The following SGMS2 variants were observed in gnomAD, a reference collection of about 807,000 sequenced individuals.
The protein encoded by SGMS2 is phosphatidylcholine:ceramide cholinephosphotransferase 2.
In SGMS2, 21 loss-of-function variants were observed where a neutral mutation model predicts 43.8. That is an observed-to-expected ratio of 0.48 (90% CI 0.34 to 0.69). The LOEUF is 0.69. Among genes scored for constraint, SGMS2 ranks in the 30% least tolerant of loss-of-function variants. The probability of loss-of-function intolerance (pLI) is 0.01; values close to 1 mark genes in which losing one functional copy is unlikely to be tolerated. For missense variants in SGMS2, 384 were observed against 443.2 expected (o/e 0.87, Z 1.20); for synonymous variants, 167 against 160.6 (o/e 1.04, Z -0.30).
intron 1 of SGMS2, among the ~76,000 whole-genome samples, chr4:107,851,625 G>A (rs1214039280): frequency 6.6e-6 from 1 of 152,150 alleles, no homozygotes; most frequent in Non-Finnish European, 1.5e-5. Context: ...TGTATATCCT[G>A]ATGAGTTTTT....
intron 2 of SGMS2, among the ~76,000 whole-genome samples, chr4:107,881,939 A>G (rs76062266): frequency 0.025 from 3,836 of 152,296 alleles, 74 homozygotes; most frequent in South Asian, 0.13. Flanking sequence ...GCAAATGATG[A>G]CATCCTATTC....
At chr4:107,847,895 C>G (rs1726923036) in intron 1 of SGMS2, among the ~76,000 whole-genome samples, 1 of 152,122 alleles carries the variant, frequency 6.6e-6, no homozygotes, top group Admixed American at 6.6e-5. Context: ...GTGTAGTACA[C>G]TTTGTACAGT....
At chr4:107,899,440 TGTGAAACTGTG>T in intron 3 of SGMS2, 124 bp from the exon 4 acceptor site, 1 of 605,358 alleles carries the variant, frequency 1.7e-6, no homozygotes, top group Non-Finnish European at 2.9e-6. Context: ...CTTTAAACTC[TGTGAAACTGTG>T]GTTTGTTTGT....
chr4:107,830,947 T>A (rs1334450586), intron 1 of SGMS2, among the ~76,000 whole-genome samples: 1 of 152,172 alleles, frequency 6.6e-6, no homozygotes, highest in Non-Finnish European at 1.5e-5. Context: ...TAGTGGTGGT[T>A]AAATAATGAT....
intron 2 of SGMS2, chr4:107,867,227 A>C (rs1728196912): frequency 6.6e-6 from 1 of 152,106 alleles, no homozygotes; most frequent in Non-Finnish European, 1.5e-5. Flanking sequence ...TCCTCCTCCA[A>C]ATATGGTCTA....
intron 2 of SGMS2, among the ~76,000 whole-genome samples, chr4:107,860,111 A>C (rs556802289): frequency 6.6e-5 from 10 of 152,186 alleles, no homozygotes; most frequent in Admixed American, 3.9e-4. Context: ...ATCCTTCTAG[A>C]ATTTCTTTAT....
intron 3 of SGMS2, among the ~76,000 whole-genome samples, 161 bp from the exon 4 acceptor site, chr4:107,899,414 C>T (rs1730936905): frequency 6.6e-6 from 1 of 152,102 alleles, no homozygotes; most frequent in African/African-American, 2.4e-5. Flanking sequence ...TAGGGATGGG[C>T]AACTCAAAAG....
chr4:107,902,367 G>A (rs1421449634), intron 4 of SGMS2, among the ~76,000 whole-genome samples: 1 of 149,254 alleles, frequency 6.7e-6, no homozygotes, highest in Non-Finnish European at 1.5e-5. Flanking sequence ...ATTGTTCTTT[G>A]ATTTTCTCAA....
chr4:107,878,596 A>G (rs1432793111), intron 2 of SGMS2, among the ~76,000 whole-genome samples: 4 of 151,776 alleles, frequency 2.6e-5, no homozygotes, highest in East Asian at 1.9e-4. Flanking sequence ...CTATTTATCT[A>G]TTCTCTCCTT....
chr4:107,829,745 T>C (rs1187194263), intron 1 of SGMS2, among the ~76,000 whole-genome samples: 3 of 152,226 alleles, frequency 2.0e-5, no homozygotes, highest in African/African-American at 7.2e-5. Flanking sequence ...ATTATTCTTT[T>C]ATTTTTTTAA....
intron 2 of SGMS2, among the ~76,000 whole-genome samples, chr4:107,879,536 A>T (rs1729187751): frequency 6.6e-6 from 1 of 150,498 alleles, no homozygotes; most frequent in South Asian, 2.1e-4. Flanking sequence ...ATCTCATCTC[A>T]CTGCAACCTC....
Position 107,899,560 on chromosome 4 carries a change from T to A in SGMS2, c.456-15T>A. 1 of 1,584,140 alleles carries A rather than the reference T, an allele frequency of 6.3e-7. No homozygotes were observed. The highest frequency in any genetic ancestry group is 8.6e-7 in the Non-Finnish European group (1 of 1,162,292). Reference sequence around the variant, plus strand: ...CAGTAAACTTGTTTTTCCCCATCCCTATTTTTTCTTTTAGGTCAATAGTGG... The same window carrying A: ...CAGTAAACTTGTTTTTCCCCATCCCAATTTTTTCTTTTAGGTCAATAGTGG... On this transcript the variant is annotated splice_polypyrimidine_tract_variant and intron_variant, in intron 3 of 6. Transcript: ENST00000690982.
intron 2 of SGMS2, among the ~76,000 whole-genome samples, chr4:107,880,577 C>T (rs750968146): frequency 5.3e-5 from 8 of 151,920 alleles, no homozygotes; most frequent in African/African-American, 9.7e-5. Flanking sequence ...AAAAGCTGGC[C>T]GGGTGCGATG....
intron 2 of SGMS2, among the ~76,000 whole-genome samples, chr4:107,885,072 A>G (rs1325171509): frequency 2.0e-5 from 3 of 152,206 alleles, no homozygotes; most frequent in Non-Finnish European, 2.9e-5. Flanking sequence ...AGTGCAAAGC[A>G]TATGCCAAGC....
intron 5 of SGMS2, among the ~76,000 whole-genome samples, chr4:107,904,273 A>G (rs963547651): frequency 6.6e-6 from 1 of 152,114 alleles, no homozygotes; most frequent in African/African-American, 2.4e-5. Context: ...GTTTATCTTA[A>G]TCCTTTTCAC....
intron 1 of SGMS2, among the ~76,000 whole-genome samples, chr4:107,848,913 C>A (rs1726982205): frequency 6.6e-6 from 1 of 152,062 alleles, no homozygotes; most frequent in Admixed American, 6.6e-5. Context: ...GTCCAACTTA[C>A]CAATTTTTTC....
chr4:107,831,163 C>T (rs1173433307), intron 1 of SGMS2, among the ~76,000 whole-genome samples: 2 of 152,202 alleles, frequency 1.3e-5, no homozygotes, highest in Non-Finnish European at 2.9e-5. Context: ...CCAGCTGATT[C>T]TAATGCCATG....
At chr4:107,890,674 CA>C (rs58069785) in intron 2 of SGMS2, among the ~76,000 whole-genome samples, 1,184 of 62,814 alleles carry the variant, frequency 0.019, 4 homozygotes, top group African/African-American at 0.028. Flanking sequence ...TACTCCACCT[CA>C]AAAAAAAAAA....
chr4:107,909,706 T>C (rs1731946002), intron 6 of SGMS2, among the ~76,000 whole-genome samples: 1 of 152,216 alleles, frequency 6.6e-6, no homozygotes, highest in African/African-American at 2.4e-5. Context: ...TATGTGTCCT[T>C]GGTGTAATAG....
Sources: allele counts gnomAD v4.1 joint callset (sites outside exome capture counted in the v4.1 genomes callset), GRCh38; gene constraint gnomAD v4.1.1; transcripts MANE v1.5; gene names NCBI Gene and HGNC (gene_info 2026-07-23, HGNC 2026-07-21).